Variants in SPOCK2 observed in about 807,000 individuals in gnomAD.
SPOCK2 encodes testican-2.
SPOCK2 carries 39 observed loss-of-function variants against 60.1 expected under a neutral mutation model. That is an observed-to-expected ratio of 0.65 (90% CI 0.50 to 0.85). The LOEUF (loss-of-function observed/expected upper bound fraction) is 0.85, where lower values mean the gene tolerates loss of function less well. Among genes scored for constraint, SPOCK2 ranks in the 40% least tolerant of loss-of-function variants. The probability of loss-of-function intolerance (pLI) is 0.00; values close to 1 mark genes in which losing one functional copy is unlikely to be tolerated. For synonymous variants in SPOCK2, 217 were observed against 231.5 expected, an observed-to-expected ratio of 0.94 and a Z score of 0.57; for missense variants, 523 against 567.4, an observed-to-expected ratio of 0.92 and a Z score of 0.80.
In SPOCK2 at chr10:72,088,245, C is replaced by A. The variant is rs745828876; in HGVS notation, c.84G>T (p.Gly28=). 18 of 1,611,122 alleles carry A rather than the reference C, an allele frequency of 1.1e-5. No individual in the cohort carries two copies. The East Asian group carries it at 2.5e-4, about 22-fold the overall frequency. ...AAALAEGDAK[G]LKEGETPGNF... ...TGCCGGGGGTCTCGCCCTCCTTGAG[C>A]CCCTTGGCGTCGCCTTCGGCCAGGG... The change falls in exon 1 of 11, where the codon GGG becomes GGT. Residue 28 remains glycine (G), a synonymous_variant. Transcript: ENST00000373109.
chr10:72,059,950 C>T lies in SPOCK2; in HGVS notation c.*2810G>A, dbSNP rs1840470165. On this transcript the variant is annotated 3_prime_UTR_variant, in exon 11 of 11. Transcript: ENST00000373109. ...TTCCAGGACCAAGCAAGCAAGAAAC[C>T]GTTCTTTGAACACATGGTTAAGCTT... 1 of 152,740 alleles carries T rather than the reference C, an allele frequency of 6.5e-6. No individual in the cohort carries two copies. Among genetic ancestry groups the T allele is most frequent in the African/African-American group, 2.4e-5 (1 of 41,456 alleles). The allele number at this position is 152,740 out of a possible 1,614,324, so 9.5% of individuals were successfully genotyped here. A position where few individuals can be genotyped will look rare whatever the true frequency, so the allele number is the denominator to read the frequency against.
intron 8 of SPOCK2, among the ~76,000 whole-genome samples, chr10:72,065,611 C>T (rs1409070890): frequency 1.3e-5 from 2 of 152,328 alleles, no homozygotes; most frequent in East Asian, 3.9e-4. Flanking sequence ...CTTGGGAAGT[C>T]CCCACCTCTC....
At position 72,063,991 on chromosome 10, in the gene SPOCK2, T is replaced by C. The variant is rs967264884; in HGVS notation, c.991+187A>G. 4.6e-5 allele frequency among the ~76,000 whole-genome samples: 7 copies of C among 152,296 alleles called. No individual in the cohort carries two copies. In the South Asian group the frequency reaches 1.0e-3, roughly 23 times the overall value. On this transcript the variant is annotated intron_variant, in intron 9 of 10. Coordinates refer to ENST00000373109, the MANE Select transcript of SPOCK2 (RefSeq NM_001244950.2). ...TAAAACACACTTTTCCCGGGGCAGA[T>C]TGGGAGTCCCTGCCCCACCACAAGG... is the stretch of plus-strand genomic sequence containing the variant.
At position 72,062,564 on chromosome 10, in the gene SPOCK2, C is replaced by T; in HGVS notation, c.*196G>A. 1 of 992,202 alleles carries T rather than the reference C, an allele frequency of 1.0e-6. No homozygotes were observed. Among genetic ancestry groups the T allele is most frequent in the Non-Finnish European group, 1.5e-6 (1 of 679,448 alleles). 61.5% of individuals were successfully genotyped at this position (992,202 alleles called of 1,614,324 possible). Reference sequence around the variant, plus strand: ...ACACACACACACACATACACACATGCATGCACACATGCACTCACACTGTCA... The same window carrying T: ...ACACACACACACACATACACACATGTATGCACACATGCACTCACACTGTCA... On this transcript the variant is annotated 3_prime_UTR_variant, in exon 11 of 11. Transcript: ENST00000373109. The surrounding 1 kb of genome is among the most constrained non-coding windows in gnomAD (Gnocchi z 4.3).
Position 72,070,400 on chromosome 10 carries a change from T to C in SPOCK2, c.386A>G (p.His129Arg), listed in dbSNP as rs371405791. 2 of 1,614,112 alleles carry C rather than the reference T, an allele frequency of 1.2e-6. No homozygotes were observed. The highest frequency in any genetic ancestry group is 1.1e-5 in the South Asian group (1 of 91,076). The change falls in exon 5 of 11, where the codon CAT becomes CGT. Residue 129 changes from histidine (H) to arginine (R), a missense_variant. Transcript: ENST00000373109. ...CTTGCAGATGGAGTCTTTGTTTCCA[T>C]GGAGTTTCACGGTCGGCTGCTTGAT... ...HRIKQPTVKL[H>R]GNKDSICKPC...
intron 8 of SPOCK2, among the ~76,000 whole-genome samples, chr10:72,065,662 C>T (rs1840558456): frequency 6.6e-6 from 1 of 152,214 alleles, no homozygotes; most frequent in Admixed American, 6.5e-5. Context: ...AGGACAGTTC[C>T]CGGCCTCCTG....
At chr10:72,073,846 C>T (rs1287388775) in intron 1 of SPOCK2, among the ~76,000 whole-genome samples, 1 of 152,266 alleles carries the variant, frequency 6.6e-6, no homozygotes, top group Non-Finnish European at 1.5e-5. Flanking sequence ...CTCCCTTTCC[C>T]CTACGGGGCA....
chr10:72,078,953 T>C (rs975776724), intron 1 of SPOCK2, among the ~76,000 whole-genome samples: 1 of 152,172 alleles, frequency 6.6e-6, no homozygotes, highest in African/African-American at 2.4e-5. Context: ...ATGCCCAACA[T>C]CTAGTACCTA....
chr10:72,073,577 C>A (rs867714926), intron 1 of SPOCK2, among the ~76,000 whole-genome samples: 5 of 152,338 alleles, frequency 3.3e-5, no homozygotes, highest in South Asian at 4.1e-4. Context: ...GTCCAGCCCC[C>A]CCTTTGTGCC....
intron 1 of SPOCK2, among the ~76,000 whole-genome samples, chr10:72,074,754 G>T (rs988886410): frequency 2.0e-5 from 3 of 152,200 alleles, no homozygotes; most frequent in Non-Finnish European, 4.4e-5. Flanking sequence ...TCCCGTGAGA[G>T]CCCACGGCGG....
intron 1 of SPOCK2, among the ~76,000 whole-genome samples, chr10:72,082,383 TC>T (rs2131822733): frequency 1.3e-5 from 2 of 152,274 alleles, no homozygotes; most frequent in South Asian, 4.1e-4. Context: ...CCCACATTGC[TC>T]CTGCAAGGAG....
At position 72,087,985 on chromosome 10, in the gene SPOCK2, C is replaced by T. The variant is rs1162658425; in HGVS notation, c.189+155G>A. On this transcript the variant is annotated intron_variant, in intron 1 of 10. Transcript: ENST00000373109. This position sits in a 1 kb window ranked among gnomAD's most constrained non-coding sequence, Gnocchi z 4.7. ...GCAGGGACAGGGGAGGGGCGCTGGG[C>T]TGTGACCCCCAGTACTGTTTACTTT... is the stretch of plus-strand genomic sequence containing the variant. Among the ~76,000 whole-genome samples, 2 of 152,094 alleles carry T rather than the reference C, an allele frequency of 1.3e-5. No homozygotes were observed. Among genetic ancestry groups the T allele is most frequent in the Non-Finnish European group, 2.9e-5 (2 of 67,972 alleles).
At position 72,062,597 on chromosome 10, in the gene SPOCK2, C is replaced by G; in HGVS notation, c.*163G>C. ...CATGCACTCACACTGTCACCCGTCC[C>G]AGCCATCTGTGCCACACACATGCCA... On this transcript the variant is annotated 3_prime_UTR_variant, in exon 11 of 11. Transcript: ENST00000373109. This position sits in a 1 kb window ranked among gnomAD's most constrained non-coding sequence, Gnocchi z 4.3. The G allele has an allele frequency of 7.4e-7, 1 of 1,356,256 alleles. No homozygotes were observed. Among genetic ancestry groups the G allele is most frequent in the Non-Finnish European group, 1.0e-6 (1 of 1,003,562 alleles). The allele number at this position is 1,356,256 out of a possible 1,614,324, so 84.0% of individuals were successfully genotyped here.
chr10:72,067,023 C>T lies in SPOCK2; in HGVS notation c.807G>A (p.Glu269=). The T allele has an allele frequency of 6.2e-7, 1 of 1,614,240 alleles. No individual in the cohort carries two copies. The highest frequency in any genetic ancestry group is 8.5e-7 in the Non-Finnish European group (1 of 1,180,056). The change falls in exon 8 of 11, where the codon GAG becomes GAA. Residue 269 remains glutamate, a synonymous_variant. Transcript: ENST00000373109. ...ACTTGTCCAGGTTGATGGCGGCCAG[C>T]TCCGTCTGGTCCAGGAAGAGGTCAG... The part of the protein sequence containing the change: ...TSADLFLDQT[E]LAAINLDKYE...
At chr10:72,082,530 T>C (rs1241886186) in intron 1 of SPOCK2, among the ~76,000 whole-genome samples, 1 of 151,730 alleles carries the variant, frequency 6.6e-6, no homozygotes, top group Non-Finnish European at 1.5e-5. Context: ...GCCATCAGGG[T>C]AGGGCCCTCA....
intron 4 of SPOCK2, among the ~76,000 whole-genome samples, chr10:72,071,259 G>A (rs1017765157): frequency 4.0e-5 from 6 of 151,520 alleles, no homozygotes; most frequent in Admixed American, 2.6e-4. Flanking sequence ...GCGTGATCTC[G>A]GCTCACTGCA....
chr10:72,075,471 T>C (rs200671742), intron 1 of SPOCK2, among the ~76,000 whole-genome samples: 3 of 152,088 alleles, frequency 2.0e-5, no homozygotes, highest in East Asian at 1.9e-4. Flanking sequence ...ACCGGCTCAC[T>C]CCCACCTTCT....
intron 1 of SPOCK2, among the ~76,000 whole-genome samples, chr10:72,085,549 T>C (rs1422029696): frequency 6.6e-6 from 1 of 152,202 alleles, no homozygotes; most frequent in East Asian, 1.9e-4. Flanking sequence ...TTCCCTCAAG[T>C]TCCCCCTTCA....
intron 8 of SPOCK2, among the ~76,000 whole-genome samples, chr10:72,065,473 C>A (rs1387239565): frequency 6.6e-6 from 1 of 152,244 alleles, no homozygotes; most frequent in Non-Finnish European, 1.5e-5. Flanking sequence ...CCACCAAGGT[C>A]TGTGTAAGTA....
Sources: allele counts gnomAD v4.1 joint callset (sites outside exome capture counted in the v4.1 genomes callset), GRCh38; gene constraint gnomAD v4.1.1; non-coding constraint Gnocchi (gnomAD v3.1); transcripts MANE v1.5; gene names NCBI Gene and HGNC (gene_info 2026-07-23, HGNC 2026-07-21).